Variants in MYO9B observed in about 807,000 individuals in gnomAD.
The protein encoded by MYO9B is unconventional myosin-IXb.
Under a neutral mutation model 229.5 loss-of-function variants are expected in MYO9B, and 71 were observed. The observed-to-expected ratio is 0.31, with a 90% confidence interval of 0.26 to 0.38. The LOEUF (loss-of-function observed/expected upper bound fraction) is 0.38, where lower values mean the gene tolerates loss of function less well. Ranked by LOEUF, MYO9B falls within the 10% of genes least tolerant of loss-of-function variation. MYO9B has a pLI of 1.00. For synonymous variants in MYO9B, 1,185 were observed against 1,235.8 expected (o/e 0.96, Z 0.86); for missense variants, 2,255 against 2,920.5 (o/e 0.77, Z 5.25).
chr19:17,199,690 CTTTTTTTTTCTTT>C lies in MYO9B; in HGVS notation c.4239-593_4239-581del, dbSNP rs1302338076. ...CACCATGCCCAGCTAATTTTTTTTT[CTTTTTTTTTCTTT>C]TTTTTTTTTTTTGTATTTTTGGTAC... On this transcript the variant is annotated intron_variant, in intron 24 of 39. Coordinates refer to ENST00000682292, the MANE Select transcript of MYO9B (RefSeq NM_004145.4). Among the ~76,000 whole-genome samples the C allele has an allele frequency of 6.4e-4, 46 of 72,076 alleles. 1 individual carries two copies. Among genetic ancestry groups the C allele is most frequent in the African/African-American group, 3.4e-3 (44 of 12,908 alleles). 47.3% of individuals were successfully genotyped at this position (72,076 alleles called of 152,430 possible).
intron 2 of MYO9B, among the ~76,000 whole-genome samples, chr19:17,110,389 C>T (rs771931911): frequency 1.3e-5 from 2 of 152,224 alleles, no homozygotes; most frequent in South Asian, 2.1e-4. Flanking sequence ...AGGCGCCCGT[C>T]GACAGCCCAG....
rs1001718704 is a variant in MYO9B, at chr19:17,175,759, T to A, written c.2219+18T>A. 1.9e-6 allele frequency: 3 copies of A among 1,558,180 alleles called. No homozygotes were observed. In the African/African-American group the frequency reaches 4.1e-5, roughly 21 times the overall value. ...CTTTACCGGTGAGCAAGACCCTGAT[T>A]TGCCCAAACTGAAATCATTAGGTGG... On this transcript the variant is annotated intron_variant, in intron 14 of 39. Transcript: ENST00000682292.
rs755593052 is a variant in MYO9B, at chr19:17,102,008, C to T, written c.291C>T (p.Asp97=). 127 of 1,612,566 alleles carry T rather than the reference C, an allele frequency of 7.9e-5. No homozygotes were observed. The highest frequency in any genetic ancestry group is 4.9e-4 in the Middle Eastern group (3 of 6,084). The change falls in exon 2 of 40, where the codon GAC becomes GAT. Residue 97 remains aspartate (D), a synonymous_variant. Transcript: ENST00000682292. ...TGCTATGGCCCCGGCGGGCACAGGA[C>T]GAGCACCCTCAGGAGGATGGCTACT... ...RVLLWPRRAQ[D]EHPQEDGYYF...
intron 38 of MYO9B, among the ~76,000 whole-genome samples, chr19:17,211,367 G>T (rs2073226711): frequency 6.6e-6 from 1 of 152,136 alleles, no homozygotes; most frequent in Non-Finnish European, 1.5e-5. Context: ...AATCCCCTAG[G>T]CTCACGGGGT....
intron 2 of MYO9B, among the ~76,000 whole-genome samples, chr19:17,133,073 C>T (rs891501496): frequency 2.0e-5 from 3 of 152,038 alleles, no homozygotes; most frequent in African/African-American, 7.3e-5. Flanking sequence ...GTCTCGATGT[C>T]CTGACCTTGT....
intron 2 of MYO9B, among the ~76,000 whole-genome samples, chr19:17,144,693 G>A (rs2072385204): frequency 6.6e-6 from 1 of 152,060 alleles, no homozygotes; most frequent in Non-Finnish European, 1.5e-5. Context: ...AAGAGACCAG[G>A]GGTGGTGGCT....
chr19:17,189,356 G>A (rs896555715), intron 19 of MYO9B, among the ~76,000 whole-genome samples: 4 of 151,954 alleles, frequency 2.6e-5, no homozygotes, highest in African/African-American at 9.7e-5. Context: ...CAAAACTAGA[G>A]GCCCAGTGTG....
chr19:17,162,254 G>A (rs961588658), intron 8 of MYO9B, 96 bp from the exon 9 acceptor site: 23 of 1,013,382 alleles, frequency 2.3e-5, no homozygotes, highest in South Asian at 1.3e-4. Flanking sequence ...GCAGTGAGCC[G>A]AGATCATGCC....
chr19:17,134,922 C>T (rs1017511567), intron 2 of MYO9B, among the ~76,000 whole-genome samples: 1 of 152,014 alleles, frequency 6.6e-6, no homozygotes, highest in African/African-American at 2.4e-5. Context: ...CACCACCACA[C>T]CCGGCTAATT....
intron 35 of MYO9B, among the ~76,000 whole-genome samples, chr19:17,208,525 G>T (rs998981515): frequency 6.6e-6 from 1 of 151,112 alleles, no homozygotes; most frequent in African/African-American, 2.4e-5. Flanking sequence ...TCCGCCTCCC[G>T]GGTTCACGCC....
Position 17,181,007 on chromosome 19 carries a change from T to C in MYO9B, c.2300T>C (p.Leu767Pro). ...GACCCCCGTAGCCTTCTCCAGTCCC[T>C]CAGTCGGCTCCAGAAACCCCGCGCC... is the stretch of plus-strand genomic sequence containing the variant. ...GEDPRSLLQS[L>P]SRLQKPRAFI... Residue 767 changes from leucine to proline, a missense_variant, in exon 15 of 40, where the codon CTC becomes CCC. Leu to Pro is a moderately conservative substitution (Grantham distance 98). Transcript: ENST00000682292. 1 of 1,610,710 alleles carries C rather than the reference T, an allele frequency of 6.2e-7. No homozygotes were observed. Among genetic ancestry groups the C allele is most frequent in the Non-Finnish European group, 8.5e-7 (1 of 1,178,670 alleles).
chr19:17,182,055 G>A (rs2072867444), intron 15 of MYO9B, among the ~76,000 whole-genome samples: 1 of 150,984 alleles, frequency 6.6e-6, no homozygotes, highest in Admixed American at 6.6e-5. Flanking sequence ...GGGATTACAG[G>A]CATGATTCAC....
Position 17,205,446 on chromosome 19 carries a change from G to A in MYO9B, c.5064+110G>A. The A allele has an allele frequency of 2.9e-6, 3 of 1,020,432 alleles. No individual in the cohort carries two copies. In the South Asian group the frequency reaches 4.2e-5, roughly 14 times the overall value. The allele number at this position is 1,020,432 out of a possible 1,614,324, so 63.2% of individuals were successfully genotyped here. On this transcript the variant is annotated intron_variant, in intron 31 of 39. Coordinates refer to ENST00000682292, the MANE Select transcript of MYO9B (RefSeq NM_004145.4). ...CAAGCGAAGCATTGAGCAGCCAGTAGGGGGCGGCTGTGGCCTCTGGTTCTG... is the reference window on the plus strand; with the variant it reads ...CAAGCGAAGCATTGAGCAGCCAGTAAGGGGCGGCTGTGGCCTCTGGTTCTG...
At chr19:17,117,657 G>C (rs1015888627) in intron 2 of MYO9B, among the ~76,000 whole-genome samples, 3 of 152,236 alleles carry the variant, frequency 2.0e-5, no homozygotes, top group Middle Eastern at 3.4e-3. Flanking sequence ...AGTATTCTCA[G>C]CCCGATGCGG....
Position 17,172,527 on chromosome 19 carries a change from C to G in MYO9B, c.1935+50C>G, listed in dbSNP as rs1568284385. The G allele has an allele frequency of 6.2e-7, 1 of 1,603,332 alleles. No individual in the cohort carries two copies. The highest frequency in any genetic ancestry group is 8.5e-7 in the Non-Finnish European group (1 of 1,174,978). On this transcript the variant is annotated intron_variant, in intron 12 of 39. Transcript: ENST00000682292. This position sits in a 1 kb window ranked among gnomAD's most constrained non-coding sequence, Gnocchi z 8.2. ...GTGGAAGCCTGAGGGAAGCCACAGT[C>G]AGCCCAGAAGCCCATGTGGGAGGAT...
chr19:17,085,868 A>G (rs899577564), intron 1 of MYO9B, among the ~76,000 whole-genome samples: 2 of 152,042 alleles, frequency 1.3e-5, no homozygotes, highest in African/African-American at 4.8e-5. Flanking sequence ...AGCAGGATAC[A>G]AGGGTTTTTC....
At chr19:17,106,736 G>A (rs934083953) in intron 2 of MYO9B, among the ~76,000 whole-genome samples, 55 of 152,262 alleles carry the variant, frequency 3.6e-4, no homozygotes, top group African/African-American at 1.3e-3. Context: ...GACCAGCCTG[G>A]GTAACATTGC....
chr19:17,132,525 ATT>A (rs35184435), intron 2 of MYO9B, among the ~76,000 whole-genome samples: 36 of 116,360 alleles, frequency 3.1e-4, no homozygotes, highest in African/African-American at 1.1e-3. Flanking sequence ...TATTATTATT[ATT>A]TTTTTTTTTT....
chr19:17,195,858 A>G lies in MYO9B; in HGVS notation c.4046+385A>G, dbSNP rs1226688139. On this transcript the variant is annotated intron_variant, in intron 22 of 39. Transcript: ENST00000682292. The surrounding 1 kb of genome is among the most constrained non-coding windows in gnomAD (Gnocchi z 4.5). ...CAGGGGCTTGCTCTGCCTGAGCCTT[A>G]GTAAGCCAAGTGTCAGTGACTTGGA... is the stretch of plus-strand genomic sequence containing the variant. Among the ~76,000 whole-genome samples, 1 of 152,026 alleles carries G rather than the reference A, an allele frequency of 6.6e-6. No individual in the cohort carries two copies. The highest frequency in any genetic ancestry group is 1.5e-5 in the Non-Finnish European group (1 of 68,020).
Sources: gnomAD v4.1 joint callset for allele counts (sites outside exome capture counted in the v4.1 genomes callset) on GRCh38, gnomAD v4.1.1 for gene constraint, Gnocchi (gnomAD v3.1) non-coding constraint, MANE v1.5 for transcripts, NCBI Gene and HGNC (gene_info 2026-07-23, HGNC 2026-07-21) for gene names.